Variants in CELF4 observed in about 807,000 individuals in gnomAD.
The protein encoded by CELF4 is CUG-BP- and ETR-3-like factor 4.
Under a neutral mutation model 59.9 loss-of-function variants are expected in CELF4, and 18 were observed. The ratio of observed to expected loss-of-function variants is 0.30; its 90% CI spans 0.21 to 0.45. The LOEUF is 0.45. CELF4 is among the 20% of genes least tolerant of loss of function. The pLI is 1.00. For synonymous variants in CELF4, 261 were observed against 267.1 expected (o/e 0.98, Z 0.22); for missense variants, 456 against 689.0 (o/e 0.66, Z 3.79).
intron 2 of CELF4, among the ~76,000 whole-genome samples, chr18:37,433,544 C>T (rs1204653680): frequency 2.0e-5 from 3 of 152,214 alleles, no homozygotes; most frequent in African/African-American, 7.2e-5. Context: ...GTGCTATTAA[C>T]ATGAGAACCA....
At chr18:37,509,973 AAAG>A (rs1386230627) in intron 1 of CELF4, among the ~76,000 whole-genome samples, 3 of 152,198 alleles carry the variant, frequency 2.0e-5, no homozygotes, top group South Asian at 2.1e-4. Flanking sequence ...ATGGAGATAG[AAAG>A]AAGATTAGTG....
intron 3 of CELF4, among the ~76,000 whole-genome samples, chr18:37,276,845 G>T (rs2093378596): frequency 6.6e-6 from 1 of 152,234 alleles, no homozygotes; most frequent in Non-Finnish European, 1.5e-5. Flanking sequence ...GTTTGTGGAT[G>T]ATTACATGAT....
At chr18:37,369,581 C>T (rs1380710688) in intron 2 of CELF4, among the ~76,000 whole-genome samples, 1 of 152,194 alleles carries the variant, frequency 6.6e-6, no homozygotes, top group Non-Finnish European at 1.5e-5. Flanking sequence ...ATTGCTCCTT[C>T]CTCTCTAGTT....
chr18:37,556,363 G>A (rs376238934), intron 1 of CELF4, among the ~76,000 whole-genome samples: 5 of 152,210 alleles, frequency 3.3e-5, no homozygotes, highest in East Asian at 3.8e-4. Flanking sequence ...ACCAGAGAGG[G>A]GAAGTTTACT....
chr18:37,357,186 G>T (rs765593996), intron 2 of CELF4, among the ~76,000 whole-genome samples: 1 of 152,324 alleles, frequency 6.6e-6, no homozygotes, highest in East Asian at 1.9e-4. Flanking sequence ...CTTGGAGCCC[G>T]CAGGCCTGTG....
chr18:37,498,348 TCCCTC>T (rs1401328010), intron 1 of CELF4, among the ~76,000 whole-genome samples: 1 of 122,632 alleles, frequency 8.2e-6, no homozygotes, highest in African/African-American at 3.2e-5. Context: ...TCCCTTCCCT[TCCCTC>T]CCCTCCCTTT....
intron 12 of CELF4, among the ~76,000 whole-genome samples, chr18:37,252,963 A>C (rs190331736): frequency 6.6e-6 from 1 of 152,160 alleles, no homozygotes; most frequent in East Asian, 1.9e-4. Context: ...GAGCCACAGC[A>C]CTGGGGGAAA....
chr18:37,540,317 C>T (rs1308710661), intron 1 of CELF4, among the ~76,000 whole-genome samples: 1 of 152,242 alleles, frequency 6.6e-6, no homozygotes. Context: ...GATTACATCT[C>T]TCATTTGTAA....
chr18:37,270,060 C>T (rs1456957558), intron 8 of CELF4, among the ~76,000 whole-genome samples: 1 of 152,228 alleles, frequency 6.6e-6, no homozygotes, highest in Admixed American at 6.5e-5. Context: ...GATAGCAGCC[C>T]ATTCTCCAGA....
chr18:37,272,649 C>T (rs921632168), intron 7 of CELF4, among the ~76,000 whole-genome samples: 7 of 150,894 alleles, frequency 4.6e-5, no homozygotes, highest in Non-Finnish European at 1.0e-4. Flanking sequence ...AACAAGGCCA[C>T]AGAATGGCCA....
intron 2 of CELF4, among the ~76,000 whole-genome samples, chr18:37,410,205 T>G (rs2099429147): frequency 6.6e-6 from 1 of 152,214 alleles, no homozygotes; most frequent in Non-Finnish European, 1.5e-5. Context: ...CAGCCTAGGC[T>G]TACACAATCC....
intron 3 of CELF4, among the ~76,000 whole-genome samples, chr18:37,288,852 C>A (rs2095075038): frequency 6.6e-6 from 1 of 152,166 alleles, no homozygotes; most frequent in African/African-American, 2.4e-5. Flanking sequence ...ACAGAGGAGC[C>A]TGTTCTCTGT....
At chr18:37,487,567 G>A (rs978935071) in intron 1 of CELF4, among the ~76,000 whole-genome samples, 3 of 152,132 alleles carry the variant, frequency 2.0e-5, no homozygotes, top group Admixed American at 1.3e-4. Context: ...AATGAATAGC[G>A]GTCAGAGGCC....
chr18:37,345,953 C>A (rs2098241532), intron 2 of CELF4, among the ~76,000 whole-genome samples: 1 of 152,118 alleles, frequency 6.6e-6, no homozygotes, highest in Non-Finnish European at 1.5e-5. Context: ...CCCAGGAGTT[C>A]TGTCCCATTT....
intron 3 of CELF4, among the ~76,000 whole-genome samples, chr18:37,299,167 C>T (rs1439338088): frequency 1.3e-5 from 2 of 152,184 alleles, no homozygotes; most frequent in Non-Finnish European, 2.9e-5. Context: ...TCAGTCACCG[C>T]ACCATGGGGG....
chr18:37,448,938 T>C (rs4799450), intron 2 of CELF4, among the ~76,000 whole-genome samples: 88,443 of 152,054 alleles, frequency 0.58, 26,694 homozygotes, highest in East Asian at 0.83. Flanking sequence ...CAGCTGACTG[T>C]TTGATGCCAG....
At chr18:37,397,949 C>G (rs1475339271) in intron 2 of CELF4, among the ~76,000 whole-genome samples, 2 of 152,178 alleles carry the variant, frequency 1.3e-5, no homozygotes. Flanking sequence ...CTCTTTCCAG[C>G]AGGGGCTCCT....
chr18:37,263,268 C>T (rs1049589540), intron 10 of CELF4, among the ~76,000 whole-genome samples: 8 of 152,202 alleles, frequency 5.3e-5, no homozygotes, highest in Non-Finnish European at 1.0e-4. Context: ...AGGCCAGGCT[C>T]TCAGCCAGGC....
chr18:37,380,634 C>T (rs889276592), intron 2 of CELF4, among the ~76,000 whole-genome samples: 2 of 146,674 alleles, frequency 1.4e-5, no homozygotes, highest in South Asian at 4.5e-4. Flanking sequence ...TTTCTTCATC[C>T]ATTTATCCAT....
Sources: allele counts gnomAD v4.1 joint callset (sites outside exome capture counted in the v4.1 genomes callset), GRCh38; gene constraint gnomAD v4.1.1; transcripts MANE v1.5; gene names NCBI Gene and HGNC (gene_info 2026-07-23, HGNC 2026-07-21).